The following SUFU variants were observed in gnomAD, a reference collection of about 807,000 sequenced individuals.
The protein encoded by SUFU is SUFU negative regulator of hedgehog signaling, also known as suppressor of fused homolog.
SUFU carries 7 observed loss-of-function variants against 58.9 expected under a neutral mutation model. The ratio of observed to expected loss-of-function variants is 0.12; its 90% CI spans 0.07 to 0.22. The LOEUF (loss-of-function observed/expected upper bound fraction) is 0.22. Ranked by LOEUF, SUFU falls within the 10% of genes least tolerant of loss-of-function variation. SUFU has a pLI of 1.00. For synonymous variants in SUFU, 232 were observed against 254.8 expected (o/e 0.91, Z 0.85); for missense variants, 451 against 641.3 (o/e 0.70, Z 3.20).
upstream of SUFU, among the ~76,000 whole-genome samples, chr10:102,502,958 C>A (rs2062270271): frequency 6.6e-6 from 1 of 152,192 alleles, no homozygotes; most frequent in Non-Finnish European, 1.5e-5. Flanking sequence ...TCTGTAGTCC[C>A]TTTGAAGGAG....
chr10:102,576,637 T>A (rs2063214688), intron 3 of SUFU, among the ~76,000 whole-genome samples: 1 of 152,202 alleles, frequency 6.6e-6, no homozygotes, highest in African/African-American at 2.4e-5. Flanking sequence ...AGTTACCTTT[T>A]ATATTAATAG....
intron 10 of SUFU, among the ~76,000 whole-genome samples, chr10:102,624,082 T>C (rs963482788): frequency 6.6e-6 from 1 of 152,214 alleles, no homozygotes; most frequent in Non-Finnish European, 1.5e-5. Context: ...GCACAGCGCC[T>C]AGCACATGGT....
intron 3 of SUFU, among the ~76,000 whole-genome samples, 179 bp downstream of exon 3, chr10:102,550,285 G>T (rs2062899507): frequency 1.3e-5 from 2 of 152,262 alleles, no homozygotes; most frequent in South Asian, 4.1e-4. Context: ...AACCAACTGG[G>T]CCATGGCAGA....
At position 102,617,924 on chromosome 10, in the gene SUFU, C is replaced by T. The variant is rs554646928; in HGVS notation, c.1296+496C>T. 60 of 228,946 alleles carry T rather than the reference C, an allele frequency of 2.6e-4. No individual in the cohort carries two copies. Among genetic ancestry groups the T allele is most frequent in the South Asian group, 1.1e-3 (9 of 7,838 alleles). The allele number at this position is 228,946 out of a possible 1,614,324, so 14.2% of individuals were successfully genotyped here. On this transcript the variant is annotated intron_variant, in intron 10 of 11. Transcript: ENST00000369902. This position sits in a 1 kb window ranked among gnomAD's most constrained non-coding sequence, Gnocchi z 4.4. ...CCCTTCTTAGCCTACCCCCATCTGA[C>T]AGCCCTCCCGTTCCTCCTGAGTTTG...
intron 2 of SUFU, among the ~76,000 whole-genome samples, chr10:102,523,535 T>C (rs1021378709): frequency 6.6e-5 from 10 of 152,174 alleles, no homozygotes; most frequent in Non-Finnish European, 1.0e-4. Flanking sequence ...CAAAGCTTGG[T>C]TGGTTAGAGG....
chr10:102,536,934 C>T (rs1590003974), intron 2 of SUFU, among the ~76,000 whole-genome samples: 1 of 151,992 alleles, frequency 6.6e-6, no homozygotes. Context: ...CCTCAGCCTC[C>T]CGAATAGCTG....
chr10:102,515,859 T>A (rs1391431813), intron 2 of SUFU, among the ~76,000 whole-genome samples: 1 of 152,120 alleles, frequency 6.6e-6, no homozygotes, highest in Non-Finnish European at 1.5e-5. Flanking sequence ...TCCCTCTGCC[T>A]TTCCTCTCAG....
At chr10:102,515,308 G>A (rs114077816) in intron 2 of SUFU, among the ~76,000 whole-genome samples, 1,692 of 149,160 alleles carry the variant, frequency 0.011, 23 homozygotes, top group African/African-American at 0.039. Flanking sequence ...AGCTTAGTTT[G>A]CCGGAACTTT....
intron 2 of SUFU, among the ~76,000 whole-genome samples, chr10:102,514,838 G>A (rs2062446937): frequency 6.6e-6 from 1 of 152,258 alleles, no homozygotes; most frequent in Admixed American, 6.5e-5. Context: ...GGCCCTAACC[G>A]AGGCTGGAAG....
At chr10:102,542,139 G>T (rs1049434429) in intron 2 of SUFU, among the ~76,000 whole-genome samples, 4 of 137,766 alleles carry the variant, frequency 2.9e-5, no homozygotes, top group African/African-American at 8.1e-5. Flanking sequence ...CCACCTTGGC[G>T]TTTTTTTTTT....
chr10:102,597,120 C>G lies in SUFU; in HGVS notation c.757-20C>G, dbSNP rs370544916. On this transcript the variant is annotated intron_variant, in intron 6 of 11. Transcript: ENST00000369902. The stretch of plus-strand genomic sequence containing the variant: ...CCAGTTCTCTGAAAGAACTCTGGCT[C>G]TTTGGTTCTTTTCAAGCAGGAGAGA... 6.2e-7 allele frequency: 1 copy of G among 1,613,764 alleles called. No individual in the cohort carries two copies. The highest frequency in any genetic ancestry group is 8.5e-7 in the Non-Finnish European group (1 of 1,180,012).
intron 2 of SUFU, among the ~76,000 whole-genome samples, chr10:102,519,183 A>AGG (rs2062515175): frequency 1.4e-5 from 2 of 146,936 alleles, no homozygotes; most frequent in South Asian, 4.3e-4. Context: ...CAATGGCAGG[A>AGG]GGGTAAAATG....
intron 3 of SUFU, among the ~76,000 whole-genome samples, chr10:102,566,596 C>T (rs1038801495): frequency 6.6e-6 from 1 of 151,974 alleles, no homozygotes; most frequent in African/African-American, 2.4e-5. Context: ...AACCCCGTCT[C>T]TACTAAAAAA....
intron 3 of SUFU, among the ~76,000 whole-genome samples, chr10:102,592,225 G>C (rs143894428): frequency 6.6e-6 from 1 of 152,284 alleles, no homozygotes; most frequent in East Asian, 1.9e-4. Context: ...CTACAGAAAA[G>C]CACCTTATTC....
At chr10:102,623,855 G>A (rs923474834) in intron 10 of SUFU, among the ~76,000 whole-genome samples, 7 of 152,112 alleles carry the variant, frequency 4.6e-5, no homozygotes, top group African/African-American at 9.7e-5. Flanking sequence ...CAGGAGAATC[G>A]CTTGAACCCA....
Position 102,594,000 on chromosome 10 carries a change from G to A in SUFU, c.691G>A (p.Gly231Ser), listed in dbSNP as rs1457485957. ...CCCTTTCCTTGTCCACAGTGCTGGC[G>A]GCCCCTGGCTGATAACTGACATGCG... The part of the protein sequence containing the change: ...ELLRTVPIAG[G>S]PWLITDMRRG... Residue 231 changes from glycine to serine, a missense_variant, in exon 6 of 12, where the codon GGC becomes AGC. Gly to Ser is a moderately conservative substitution (Grantham distance 56). Coordinates refer to ENST00000369902, the MANE Select transcript of SUFU (RefSeq NM_016169.4). 3.7e-6 allele frequency: 6 copies of A among 1,614,134 alleles called. No homozygotes were observed. The highest frequency in any genetic ancestry group is 2.2e-5 in the East Asian group (1 of 44,876).
intron 10 of SUFU, among the ~76,000 whole-genome samples, chr10:102,626,339 G>A (rs946228839): frequency 6.6e-6 from 1 of 152,188 alleles, no homozygotes; most frequent in African/African-American, 2.4e-5. Context: ...GAGAGCCCTT[G>A]GACGTTGGTA....
intron 2 of SUFU, among the ~76,000 whole-genome samples, chr10:102,522,047 C>T (rs1333432262): frequency 2.6e-5 from 4 of 152,220 alleles, no homozygotes; most frequent in Non-Finnish European, 5.9e-5. Context: ...TGCATCTCAT[C>T]TTCTTAGTGA....
At chr10:102,544,100 C>CA (rs781133667) in intron 2 of SUFU, among the ~76,000 whole-genome samples, 2 of 150,972 alleles carry the variant, frequency 1.3e-5, no homozygotes, top group African/African-American at 2.4e-5. Flanking sequence ...CCCTGTCTCA[C>CA]AAAAAAAAGA....
Sources: gnomAD v4.1 joint callset for allele counts (sites outside exome capture counted in the v4.1 genomes callset) on GRCh38, gnomAD v4.1.1 for gene constraint, Gnocchi (gnomAD v3.1) non-coding constraint, MANE v1.5 for transcripts, NCBI Gene and HGNC (gene_info 2026-07-23, HGNC 2026-07-21) for gene names.